DOCK5: variants seen among roughly 807,000 people sequenced by gnomAD.
DOCK5 encodes the protein dedicator of cytokinesis 5.
Under a neutral mutation model 251.8 loss-of-function variants are expected in DOCK5, and 142 were observed. The ratio of observed to expected loss-of-function variants is 0.56; its 90% CI spans 0.49 to 0.65. The LOEUF (loss-of-function observed/expected upper bound fraction) is 0.65, where lower values mean the gene tolerates loss of function less well. Ranked by LOEUF, DOCK5 falls within the 30% of genes least tolerant of loss-of-function variation. The pLI, the probability that DOCK5 is intolerant of heterozygous loss-of-function variation, is 0.00. For missense variants in DOCK5, 2,111 were observed against 2,312.3 expected, an observed-to-expected ratio of 0.91 and a Z score of 1.79; for synonymous variants, 842 against 835.5, an observed-to-expected ratio of 1.01 and a Z score of -0.13.
chr8:25,323,156 G>A (rs1446707436), intron 16 of DOCK5, among the ~76,000 whole-genome samples: 1 of 152,146 alleles, frequency 6.6e-6, no homozygotes, highest in Non-Finnish European at 1.5e-5. Flanking sequence ...CCAAGAGAGA[G>A]GAGCTCTGCC....
At chr8:25,356,769 AGTT>A (rs1563214049) in intron 27 of DOCK5, among the ~76,000 whole-genome samples, 1 of 152,040 alleles carries the variant, frequency 6.6e-6, no homozygotes, top group Non-Finnish European at 1.5e-5. Flanking sequence ...AATTAAAAAA[AGTT>A]GTATCATAAA....
intron 2 of DOCK5, among the ~76,000 whole-genome samples, chr8:25,261,581 A>G (rs1469866263): frequency 1.3e-5 from 2 of 152,224 alleles, no homozygotes; most frequent in Non-Finnish European, 2.9e-5. Flanking sequence ...TATTCATCTG[A>G]CGGTGTCAAT....
rs746047616 is a variant in DOCK5, at chr8:25,393,381, GT to G, written c.4527+501del. Reference sequence around the variant, plus strand: ...GCCATGCATGGCCTTCTCAGGTCCAGTTACCTCACTGCCTCAGTGGGAATTC... The same window carrying G: ...GCCATGCATGGCCTTCTCAGGTCCAGTACCTCACTGCCTCAGTGGGAATTC... On this transcript the variant is annotated intron_variant, in intron 44 of 51. Coordinates refer to ENST00000276440, the MANE Select transcript of DOCK5 (RefSeq NM_024940.8). Among the ~76,000 whole-genome samples, 41 of 152,184 alleles carry G rather than the reference GT, an allele frequency of 2.7e-4. 1 individual carries two copies. Among genetic ancestry groups the G allele is most frequent in the Admixed American group, 1.1e-3 (17 of 15,278 alleles).
intron 3 of DOCK5, among the ~76,000 whole-genome samples, chr8:25,273,021 C>G (rs1441869397): frequency 6.6e-6 from 1 of 152,062 alleles, no homozygotes; most frequent in Non-Finnish European, 1.5e-5. Flanking sequence ...TTCCCAACAT[C>G]CCAGTTTAGT....
chr8:25,343,581 A>G (rs907832499), intron 25 of DOCK5, among the ~76,000 whole-genome samples: 1 of 152,230 alleles, frequency 6.6e-6, no homozygotes, highest in Non-Finnish European at 1.5e-5. Flanking sequence ...GTAGGAAAAG[A>G]TGACCCTTTT....
Position 25,269,063 on chromosome 8 carries a change from T to G in DOCK5, c.168+178T>G, listed in dbSNP as rs1479167091. ...TGACCTCAGTGCCTAAATGTAATAG[T>G]GTAAATCCCATTGACTGTATTTCCT... On this transcript the variant is annotated intron_variant, in intron 3 of 51. Coordinates refer to ENST00000276440, the MANE Select transcript of DOCK5 (RefSeq NM_024940.8). 2.0e-5 allele frequency among the ~76,000 whole-genome samples: 3 copies of G among 152,244 alleles called. No homozygotes were observed. In the East Asian group the frequency reaches 5.8e-4, roughly 29 times the overall value.
intron 1 of DOCK5, among the ~76,000 whole-genome samples, chr8:25,186,932 G>T (rs1345754073): frequency 1.3e-5 from 2 of 151,958 alleles, no homozygotes; most frequent in African/African-American, 4.8e-5. Context: ...AGGTGCGATG[G>T]CTCACGTCTG....
At chr8:25,394,070 G>C (rs1346121641) in intron 44 of DOCK5, among the ~76,000 whole-genome samples, 1 of 152,096 alleles carries the variant, frequency 6.6e-6, no homozygotes, top group African/African-American at 2.4e-5. Context: ...TCTACAAAAA[G>C]AATAGCAGTA....
At position 25,325,562 on chromosome 8, in the gene DOCK5, T is replaced by C; in HGVS notation, c.1903+15T>C. On this transcript the variant is annotated intron_variant, in intron 18 of 51. Coordinates refer to ENST00000276440, the MANE Select transcript of DOCK5 (RefSeq NM_024940.8). The stretch of plus-strand genomic sequence containing the variant: ...CACCCAGAATGGTAGGAGTGGTGAA[T>C]ACACTGACACAAATAAGCTTCTTGC... The C allele has an allele frequency of 2.5e-6, 4 of 1,611,354 alleles. No homozygotes were observed. The highest frequency in any genetic ancestry group is 3.4e-6 in the Non-Finnish European group (4 of 1,178,542).
At chr8:25,401,721 G>A (rs553878350) in intron 47 of DOCK5, among the ~76,000 whole-genome samples, 3 of 152,282 alleles carry the variant, frequency 2.0e-5, no homozygotes, top group South Asian at 4.1e-4. Context: ...GCGACAGAGC[G>A]AGACTCTATC....
intron 1 of DOCK5, among the ~76,000 whole-genome samples, chr8:25,221,389 A>G (rs13278370): frequency 0.16 from 23,941 of 152,078 alleles, 2,056 homozygotes; most frequent in Admixed American, 0.24. Flanking sequence ...GCTCACTGCA[A>G]CCTCCGTCTC....
chr8:25,340,851 A>C (rs755283531), intron 22 of DOCK5, 26 bp from the exon 23 acceptor site: 21 of 1,595,088 alleles, frequency 1.3e-5, no homozygotes, highest in Non-Finnish European at 1.8e-5. Flanking sequence ...GGAAAGTCCA[A>C]CTGCTTTTGT....
In DOCK5 at chr8:25,294,457, C is replaced by T. The variant is rs141178611; in HGVS notation, c.471-2056C>T. 4.3e-3 allele frequency among the ~76,000 whole-genome samples: 650 copies of T among 152,260 alleles called. 5 individuals carry two copies. The highest frequency in any genetic ancestry group is 0.015 in the African/African-American group (618 of 41,542). Reference sequence around the variant, plus strand: ...GTACCGGGAATGCATGCTGGGTATTCGGATAGCAGTATCCTATTTCCACCA... The same window carrying T: ...GTACCGGGAATGCATGCTGGGTATTTGGATAGCAGTATCCTATTTCCACCA... On this transcript the variant is annotated intron_variant, in intron 6 of 51. Coordinates refer to ENST00000276440, the MANE Select transcript of DOCK5 (RefSeq NM_024940.8).
At chr8:25,290,999 T>A (rs1171617787) in intron 5 of DOCK5, among the ~76,000 whole-genome samples, 6 of 152,142 alleles carry the variant, frequency 3.9e-5, no homozygotes, top group African/African-American at 1.4e-4. Flanking sequence ...AATAACATAT[T>A]GAGAGGATCT....
Position 25,400,909 on chromosome 8 carries a change from T to C in DOCK5, c.4789-20T>C. On this transcript the variant is annotated intron_variant, in intron 46 of 51. Transcript: ENST00000276440. ...CTCTTCCTGAAGCACACTGCACTCA[T>C]TTTTTGCCCTTCTTTCCAGATGCCC... 1 of 1,613,318 alleles carries C rather than the reference T, an allele frequency of 6.2e-7. No individual in the cohort carries two copies.
rs142993479 is a variant in DOCK5, at chr8:25,359,007, C to T, written c.2895C>T (p.Asp965=). The T allele has an allele frequency of 8.2e-5, 132 of 1,613,926 alleles. 1 individual carries two copies. The highest frequency in any genetic ancestry group is 5.9e-4 in the South Asian group (54 of 91,080). ...ACMIALLQQM[D]DSHYSHYIST... The stretch of plus-strand genomic sequence containing the variant: ...TGATTGCCCTGCTGCAGCAAATGGA[C>T]GACAGCCACTATAGCCACTACATCA... The change falls in exon 28 of 52, where the codon GAC becomes GAT. Residue 965 remains aspartate, a synonymous_variant. Coordinates refer to ENST00000276440, the MANE Select transcript of DOCK5 (RefSeq NM_024940.8).
chr8:25,354,954 C>G (rs1330117513), intron 27 of DOCK5, among the ~76,000 whole-genome samples: 3 of 152,150 alleles, frequency 2.0e-5, no homozygotes, highest in Non-Finnish European at 4.4e-5. Context: ...GATATTTAGG[C>G]CAAGCACAAT....
chr8:25,248,782 G>T (rs1034298892), intron 2 of DOCK5, among the ~76,000 whole-genome samples: 8 of 152,118 alleles, frequency 5.3e-5, no homozygotes, highest in Non-Finnish European at 8.8e-5. Flanking sequence ...TACGGCAGGT[G>T]CTCAGCAACA....
chr8:25,228,980 C>T (rs1398009882), intron 1 of DOCK5, among the ~76,000 whole-genome samples: 1 of 150,910 alleles, frequency 6.6e-6, no homozygotes, highest in East Asian at 2.0e-4. Context: ...CCTGTAATCC[C>T]AGCACTCGGG....
Sources: gnomAD v4.1 joint callset for allele counts (sites outside exome capture counted in the v4.1 genomes callset) on GRCh38, gnomAD v4.1.1 for gene constraint, MANE v1.5 for transcripts, NCBI Gene and HGNC (gene_info 2026-07-23, HGNC 2026-07-21) for gene names.